PPP6R2: variants seen among roughly 807,000 people sequenced by gnomAD.
PPP6R2 encodes the protein serine/threonine-protein phosphatase 6 regulatory subunit 2.
A neutral mutation model predicts 100.2 loss-of-function variants in PPP6R2; 62 were observed. The ratio of observed to expected loss-of-function variants is 0.62; its 90% CI spans 0.50 to 0.76. The LOEUF (loss-of-function observed/expected upper bound fraction) is 0.76, where lower values mean the gene tolerates loss of function less well. PPP6R2 is among the 30% of genes least tolerant of loss of function. The pLI, the probability that PPP6R2 is intolerant of heterozygous loss-of-function variation, is 0.00. For missense variants in PPP6R2, 1,142 were observed against 1,276.3 expected (o/e 0.89, Z 1.60); for synonymous variants, 525 against 514.7 (o/e 1.02, Z -0.27).
chr22:50,425,597 T>G (rs1220386727), intron 10 of PPP6R2, among the ~76,000 whole-genome samples: 2 of 152,208 alleles, frequency 1.3e-5, no homozygotes, highest in African/African-American at 4.8e-5. Context: ...CCACAGTGGC[T>G]GCACCATTTT....
chr22:50,414,789 A>T, intron 5 of PPP6R2, 100 bp downstream of exon 5: 1 of 1,343,114 alleles, frequency 7.4e-7, no homozygotes, highest in Non-Finnish European at 1.0e-6. Context: ...CCCGGCCCCC[A>T]TCTCTCCACC....
At chr22:50,385,480 G>A (rs2054014714) in intron 2 of PPP6R2, among the ~76,000 whole-genome samples, 2 of 145,328 alleles carry the variant, frequency 1.4e-5, no homozygotes, top group African/African-American at 5.1e-5. Flanking sequence ...ATTACAGCAT[G>A]AGCCACCACC....
chr22:50,419,013 TC>T, intron 7 of PPP6R2, 34 bp downstream of exon 7: 4 of 1,534,940 alleles, frequency 2.6e-6, no homozygotes, highest in Non-Finnish European at 3.6e-6. Context: ...CTGGTGGGCC[TC>T]CCTTTCTGGG....
rs1556383345 is a variant in PPP6R2, at chr22:50,439,689, C to CT, written c.2129-11dup. 5 of 1,566,796 alleles carry CT rather than the reference C, an allele frequency of 3.2e-6. No individual in the cohort carries two copies. Among genetic ancestry groups the CT allele is most frequent in the Non-Finnish European group, 3.5e-6 (4 of 1,154,760 alleles). On this transcript the variant is annotated splice_polypyrimidine_tract_variant and intron_variant, in intron 19 of 23. Coordinates refer to ENST00000612753, the MANE Select transcript of PPP6R2 (RefSeq NM_001242898.2). Reference sequence around the variant, plus strand: ...CTGCCCACGCCTGACCACTGTGTCTCTCCCCCAGCAGGCGCCATGTGGACG... The same window carrying CT: ...CTGCCCACGCCTGACCACTGTGTCTCTTCCCCCAGCAGGCGCCATGTGGACG...
intron 17 of PPP6R2, 83 bp from the exon 18 acceptor site, chr22:50,438,091 G>GC (rs34847780): frequency 6.5e-7 from 1 of 1,541,190 alleles, no homozygotes; most frequent in Non-Finnish European, 8.8e-7. Flanking sequence ...CCCGAACTAA[G>GC]CCCCTCTGGG....
intron 4 of PPP6R2, among the ~76,000 whole-genome samples, chr22:50,408,358 C>T (rs2059269721): frequency 2.0e-5 from 3 of 152,194 alleles, no homozygotes; most frequent in South Asian, 4.1e-4. Context: ...ACGAAGGCCG[C>T]GGTTCCCCTT....
chr22:50,440,994 C>T lies in PPP6R2; in HGVS notation c.2547C>T (p.Pro849=), dbSNP rs753296894. 6.2e-6 allele frequency: 10 copies of T among 1,608,722 alleles called. No homozygotes were observed. Among genetic ancestry groups the T allele is most frequent in the Non-Finnish European group, 1.7e-6 (2 of 1,177,520 alleles). The part of the protein sequence containing the change: ...RGPGREAPPL[P]TVARTEEAVG... ...CCGGCCGGGAGGCCCCCCCGCTGCC[C>T]ACAGTGGCCAGGACAGAGGAGGCTG... The change falls in exon 22 of 24, where the codon CCC becomes CCT. Residue 849 remains proline (P), a synonymous_variant. Coordinates refer to ENST00000612753, the MANE Select transcript of PPP6R2 (RefSeq NM_001242898.2).
chr22:50,442,559 T>C (rs1323042794), intron 22 of PPP6R2, among the ~76,000 whole-genome samples: 1 of 148,442 alleles, frequency 6.7e-6, no homozygotes, highest in Non-Finnish European at 1.5e-5. Context: ...AATTTTTGTT[T>C]GTTTGTTTGA....
chr22:50,390,207 G>T lies in PPP6R2; in HGVS notation c.-16-3686G>T, dbSNP rs572939331. ...GGGTTTCACCATGTTGGTCAGGCTGGTCTCAAACTCCTGACCTCAGGTGAT... is the reference window on the plus strand; with the variant it reads ...GGGTTTCACCATGTTGGTCAGGCTGTTCTCAAACTCCTGACCTCAGGTGAT... On this transcript the variant is annotated intron_variant, in intron 2 of 23. Coordinates refer to ENST00000612753, the MANE Select transcript of PPP6R2 (RefSeq NM_001242898.2). 2.0e-5 allele frequency among the ~76,000 whole-genome samples: 3 copies of T among 151,872 alleles called. No homozygotes were observed. The East Asian group carries it at 5.8e-4, about 30-fold the overall frequency.
rs199840898 is a variant in PPP6R2, at chr22:50,444,171, C to T, written c.2832-28C>T. 75 of 1,612,206 alleles carry T rather than the reference C, an allele frequency of 4.7e-5. No individual in the cohort carries two copies. The African/African-American group carries it at 5.3e-4, about 11-fold the overall frequency. On this transcript the variant is annotated intron_variant, in intron 23 of 23. Transcript: ENST00000612753. ...GTGTGGACAGGGCCCGCAGCCCGCACGGTTCCAACCCCACCCCATTCCTGC... is the reference window on the plus strand; with the variant it reads ...GTGTGGACAGGGCCCGCAGCCCGCATGGTTCCAACCCCACCCCATTCCTGC...
chr22:50,380,072 T>C (rs141851202), intron 2 of PPP6R2, among the ~76,000 whole-genome samples: 58 of 152,232 alleles, frequency 3.8e-4, no homozygotes, highest in African/African-American at 1.4e-3. Flanking sequence ...GTGGGTAATT[T>C]ATAAGGAAAA....
the PPP6R2 span, among the ~76,000 whole-genome samples, chr22:50,333,952 A>G: frequency 1.3e-5 from 2 of 152,218 alleles, no homozygotes; most frequent in Non-Finnish European, 2.9e-5. Flanking sequence ...GCCCTTCCCT[A>G]TTTGGTAGCC....
At chr22:50,377,420 G>A (rs1392641445) in intron 2 of PPP6R2, among the ~76,000 whole-genome samples, 2 of 151,694 alleles carry the variant, frequency 1.3e-5, no homozygotes, top group Non-Finnish European at 1.5e-5. Flanking sequence ...CTGCAGCCTG[G>A]GTGACAGAAC....
intron 1 of PPP6R2, among the ~76,000 whole-genome samples, chr22:50,364,165 G>A (rs779497904): frequency 6.6e-6 from 1 of 152,098 alleles, no homozygotes; most frequent in South Asian, 2.1e-4. Context: ...CCAAAGTGCT[G>A]GGATTACAGG....
At chr22:50,433,549 C>T (rs1417106219) in intron 12 of PPP6R2, among the ~76,000 whole-genome samples, 3 of 72,754 alleles carry the variant, frequency 4.1e-5, no homozygotes, top group Non-Finnish European at 8.3e-5. Flanking sequence ...GGGGCGCGGA[C>T]GCTGGGCAGG....
chr22:50,391,284 T>A (rs1259941264), intron 2 of PPP6R2, among the ~76,000 whole-genome samples: 1 of 151,224 alleles, frequency 6.6e-6, no homozygotes, highest in African/African-American at 2.4e-5. Context: ...ATACAAAAAA[T>A]CAGCTGGGCA....
At chr22:50,437,203 G>C in intron 15 of PPP6R2, 135 bp downstream of exon 15, 2 of 886,824 alleles carry the variant, frequency 2.3e-6, no homozygotes, top group Non-Finnish European at 3.6e-6. Flanking sequence ...AGCACGTATG[G>C]GGCGGGGTGG....
intron 19 of PPP6R2, among the ~76,000 whole-genome samples, chr22:50,439,192 G>C (rs897682182): frequency 1.3e-5 from 2 of 152,214 alleles, no homozygotes; most frequent in African/African-American, 4.8e-5. Context: ...CCTGCCCTGG[G>C]GGCAGCACTG....
chr22:50,336,788 C>T, the PPP6R2 span, among the ~76,000 whole-genome samples: 5 of 151,616 alleles, frequency 3.3e-5, no homozygotes, highest in African/African-American at 1.2e-4. Flanking sequence ...TTCACTGCAG[C>T]CCCGACCTCC....
Sources: gnomAD v4.1 joint callset for allele counts (sites outside exome capture counted in the v4.1 genomes callset) on GRCh38, gnomAD v4.1.1 for gene constraint, MANE v1.5 for transcripts, NCBI Gene and HGNC (gene_info 2026-07-23, HGNC 2026-07-21) for gene names.